GATB: variants seen among roughly 807,000 people sequenced by gnomAD.
GATB encodes the protein glutamyl-tRNA(Gln) amidotransferase subunit B, mitochondrial.
Under a neutral mutation model 62.3 loss-of-function variants are expected in GATB, and 39 were observed. The observed-to-expected ratio is 0.63, with a 90% confidence interval of 0.48 to 0.82. GATB has a LOEUF of 0.82. GATB is among the 40% of genes least tolerant of loss of function. The probability of loss-of-function intolerance (pLI) is 0.00; values close to 1 mark genes in which losing one functional copy is unlikely to be tolerated. For missense variants in GATB, 670 were observed against 684.0 expected (o/e 0.98, Z 0.23); for synonymous variants, 276 against 258.9 (o/e 1.07, Z -0.63).
intron 2 of GATB, among the ~76,000 whole-genome samples, chr4:151,742,962 T>C (rs1231556943): frequency 6.6e-6 from 1 of 151,800 alleles, no homozygotes; most frequent in East Asian, 1.9e-4. Flanking sequence ...ACTGAATACA[T>C]GAAAAAGGAA....
At chr4:151,682,482 C>T (rs543977487) in intron 10 of GATB, among the ~76,000 whole-genome samples, 1 of 152,160 alleles carries the variant, frequency 6.6e-6, no homozygotes, top group Non-Finnish European at 1.5e-5. Flanking sequence ...AATGCGTCTC[C>T]GCTGAAGAAG....
intron 2 of GATB, among the ~76,000 whole-genome samples, chr4:151,728,959 C>T (rs543457923): frequency 6.6e-6 from 1 of 152,246 alleles, no homozygotes; most frequent in South Asian, 2.1e-4. Flanking sequence ...GAGATACGTG[C>T]CATTTTGTCA....
chr4:151,688,602 GAAGA>G (rs1738299423), intron 10 of GATB, 24 bp downstream of exon 10: 1 of 1,587,376 alleles, frequency 6.3e-7, no homozygotes, highest in African/African-American at 1.4e-5. Flanking sequence ...CATCACAAAG[GAAGA>G]AAGAAATCCC....
intron 10 of GATB, among the ~76,000 whole-genome samples, chr4:151,684,882 T>C (rs1326834854): frequency 2.0e-5 from 3 of 152,188 alleles, no homozygotes; most frequent in East Asian, 3.9e-4. Context: ...CAGGCTAATT[T>C]ATCTCTCAGC....
At chr4:151,747,797 G>A (rs151263035) in intron 2 of GATB, among the ~76,000 whole-genome samples, 181 of 152,316 alleles carry the variant, frequency 1.2e-3, no homozygotes, top group Non-Finnish European at 1.7e-3. Flanking sequence ...CTATTCCAGA[G>A]TGAGGGGGAA....
chr4:151,672,861 A>G lies in GATB; in HGVS notation c.1446T>C (p.Thr482=), dbSNP rs1737904417. ...GCTTTTCTGAAACAATCTGCCCTGGAGTCTTGCCTTCCCTCTTCCACAGTT... is the reference window on the plus strand; with the variant it reads ...GCTTTTCTGAAACAATCTGCCCTGGGGTCTTGCCTTCCCTCTTCCACAGTT... The part of the protein sequence containing the change: ...FEELWKREGK[T]PGQIVSEKQL... The change falls in exon 12 of 13, where the codon ACT becomes ACC. Residue 482 remains threonine, a synonymous_variant. Transcript: ENST00000263985. The G allele has an allele frequency of 6.2e-7, 1 of 1,614,072 alleles. No individual in the cohort carries two copies. Among genetic ancestry groups the G allele is most frequent in the Non-Finnish European group, 8.5e-7 (1 of 1,180,044 alleles).
At chr4:151,687,701 G>A (rs768639614) in intron 10 of GATB, among the ~76,000 whole-genome samples, 3 of 152,150 alleles carry the variant, frequency 2.0e-5, no homozygotes, top group African/African-American at 7.2e-5. Flanking sequence ...TAGTGGGAAT[G>A]GGGATCCTAT....
rs1236268576 is a variant in GATB, at chr4:151,672,891, A to G, written c.1416T>C (p.Phe472=). 14 of 1,614,048 alleles carry G rather than the reference A, an allele frequency of 8.7e-6. No homozygotes were observed. The highest frequency in any genetic ancestry group is 1.1e-5 in the Non-Finnish European group (13 of 1,180,016). Residue 472 remains phenylalanine (F), a synonymous_variant, in exon 12 of 13, where the codon TTT becomes TTC. Coordinates refer to ENST00000263985, the MANE Select transcript of GATB (RefSeq NM_004564.3). ...TGCCTTCCCTCTTCCACAGTTCCTC[A>G]AACACCTATGGACCAGAGAAGGGAG... The part of the protein sequence containing the change: ...TISSSAAKQV[F]EELWKREGKT...
chr4:151,693,345 G>A (rs916854798), intron 9 of GATB, among the ~76,000 whole-genome samples: 5 of 152,296 alleles, frequency 3.3e-5, no homozygotes, highest in South Asian at 2.1e-4. Context: ...CACGGGAATC[G>A]GTGCCCCTTC....
chr4:151,739,998 C>T (rs1198112303), intron 2 of GATB, among the ~76,000 whole-genome samples: 1 of 152,216 alleles, frequency 6.6e-6, no homozygotes, highest in Non-Finnish European at 1.5e-5. Flanking sequence ...GAAAAGCCTG[C>T]AGTTTTGGAA....
At chr4:151,674,910 G>T (rs1407867120) in intron 11 of GATB, 1 of 152,214 alleles carries the variant, frequency 6.6e-6, no homozygotes, top group Non-Finnish European at 1.5e-5. Flanking sequence ...CCTGGAAGTA[G>T]GCGGGGCCCC....
At chr4:151,734,292 G>C (rs1739325144) in intron 2 of GATB, among the ~76,000 whole-genome samples, 1 of 150,478 alleles carries the variant, frequency 6.6e-6, no homozygotes, top group African/African-American at 2.5e-5. Context: ...CTTCTATATA[G>C]CAACAGTGAC....
At chr4:151,714,351 T>A (rs1272372443) in intron 5 of GATB, among the ~76,000 whole-genome samples, 2 of 151,552 alleles carry the variant, frequency 1.3e-5, no homozygotes, top group Non-Finnish European at 2.9e-5. Flanking sequence ...CCTAAAGGGG[T>A]GGGAGGAGGG....
chr4:151,711,184 C>A (rs921099587), intron 5 of GATB, among the ~76,000 whole-genome samples: 1 of 152,210 alleles, frequency 6.6e-6, no homozygotes, highest in Non-Finnish European at 1.5e-5. Context: ...CATCTTCCAT[C>A]TGAACTATTG....
At chr4:151,733,718 C>A (rs1022651680) in intron 2 of GATB, among the ~76,000 whole-genome samples, 9 of 152,010 alleles carry the variant, frequency 5.9e-5, no homozygotes, top group African/African-American at 9.7e-5. Flanking sequence ...ACTAGCTATC[C>A]GAATCTAACA....
chr4:151,702,354 A>G (rs1296511549), intron 8 of GATB, among the ~76,000 whole-genome samples: 1 of 152,194 alleles, frequency 6.6e-6, no homozygotes, highest in African/African-American at 2.4e-5. Context: ...GCTGGAGAAG[A>G]GGGAGGGAGG....
At position 151,716,096 on chromosome 4, in the gene GATB, T is replaced by C. The variant is rs909890997; in HGVS notation, c.676A>G (p.Met226Val). The change falls in exon 5 of 13, where the codon ATG becomes GTG. Residue 226 changes from methionine to valine, a missense_variant. Coordinates refer to ENST00000263985, the MANE Select transcript of GATB (RefSeq NM_004564.3). ...GLLEVVLEPD[M>V]SCGEEAATAV... is the part of the protein sequence containing the mutation. Reference sequence around the variant, plus strand: ...GTTGCCGCCTCTTCTCCACAGGACATGTCGGGCTCCAGGACCACCTCCAGA... The same window carrying C: ...GTTGCCGCCTCTTCTCCACAGGACACGTCGGGCTCCAGGACCACCTCCAGA... The C allele has an allele frequency of 4.3e-6, 7 of 1,613,698 alleles. No homozygotes were observed. Among genetic ancestry groups the C allele is most frequent in the Non-Finnish European group, 5.9e-6 (7 of 1,179,930 alleles).
rs957769066 is a variant in GATB at position 151,758,790 on chromosome 4, A to T, written c.309T>A (p.Ser103=). 1.9e-6 allele frequency: 3 copies of T among 1,601,944 alleles called. No homozygotes were observed. Among genetic ancestry groups the T allele is most frequent in the Middle Eastern group, 1.7e-4 (1 of 6,056 alleles). ...PNSLVSFFDA[S]LPGTLPVLNR... is the part of the protein sequence containing the mutation. ...ATCTTACCGGCAAAGTTCCAGGTAG[A>T]GATGCATCAAAAAAAGAAACCAAAG... Residue 103 remains serine, a synonymous_variant, in exon 2 of 13, where the codon TCT becomes TCA. Transcript: ENST00000263985.
chr4:151,715,903 T>G lies in GATB; in HGVS notation c.763+106A>C, dbSNP rs545462506. 72 of 1,280,214 alleles carry G rather than the reference T, an allele frequency of 5.6e-5. No individual in the cohort carries two copies. In the South Asian group the frequency reaches 1.4e-3, roughly 24 times the overall value. 79.3% of individuals were successfully genotyped at this position (1,280,214 alleles called of 1,614,324 possible). Reference sequence around the variant, plus strand: ...TGCAAAAGGCTGGGGAAAAAATGGCTGCAAACAACCTCAATATAATAGACA... The same window carrying G: ...TGCAAAAGGCTGGGGAAAAAATGGCGGCAAACAACCTCAATATAATAGACA... On this transcript the variant is annotated intron_variant, in intron 5 of 12. Transcript: ENST00000263985.
Sources: gnomAD v4.1 joint callset for allele counts (sites outside exome capture counted in the v4.1 genomes callset) on GRCh38, gnomAD v4.1.1 for gene constraint, MANE v1.5 for transcripts, NCBI Gene and HGNC (gene_info 2026-07-23, HGNC 2026-07-21) for gene names.